The following SENP8 variants were observed in gnomAD, a reference collection of about 807,000 sequenced individuals.
The protein encoded by SENP8 is sentrin-specific protease 8.
In SENP8, 10 loss-of-function variants were observed where a neutral mutation model predicts 14.4. That is an observed-to-expected ratio of 0.69 (90% CI 0.43 to 1.18). The LOEUF is 1.18. SENP8 is among the 50% of genes most tolerant of loss of function. The pLI is 0.00. For synonymous variants in SENP8, 94 were observed against 95.5 expected (o/e 0.98, Z 0.09); for missense variants, 202 against 249.4 (o/e 0.81, Z 1.28).
chr15:72,117,885 C>G (rs1435794575), upstream of SENP8: 2 of 398,252 alleles, frequency 5.0e-6, no homozygotes, highest in Non-Finnish European at 8.9e-6. Flanking sequence ...AGACTCCGCC[C>G]GGCCTGAGCA....
chr15:72,131,406 A>G (rs1010821843), intron 1 of SENP8, among the ~76,000 whole-genome samples: 1 of 152,090 alleles, frequency 6.6e-6, no homozygotes, highest in African/African-American at 2.4e-5. Flanking sequence ...TATTTTTTCT[A>G]CTGAACCAGC....
intron 1 of SENP8, among the ~76,000 whole-genome samples, chr15:72,120,765 A>G (rs893740238): frequency 2.6e-5 from 4 of 152,258 alleles, no homozygotes. Context: ...AGTGATGACT[A>G]TAAATTATAT....
chr15:72,114,908 C>G (rs2080913550), upstream of SENP8, among the ~76,000 whole-genome samples: 1 of 152,130 alleles, frequency 6.6e-6, no homozygotes, highest in African/African-American at 2.4e-5. Context: ...ATTTTCAAAC[C>G]TCCTACATTT....
chr15:72,137,053 T>C (rs948804173), intron 1 of SENP8, among the ~76,000 whole-genome samples: 3 of 152,192 alleles, frequency 2.0e-5, no homozygotes, highest in Non-Finnish European at 4.4e-5. Flanking sequence ...TGGATATTTG[T>C]TTTCAAACCT....
rs571688902 is a variant in SENP8 at position 72,125,594 on chromosome 15, A to G, written c.-48+7130A>G. 1.4e-3 allele frequency among the ~76,000 whole-genome samples: 218 copies of G among 152,186 alleles called. 1 individual carries two copies. The highest frequency in any genetic ancestry group is 4.8e-3 in the African/African-American group (199 of 41,534). ...ACTTATTAAAAAATCCAGCAAGCAT[A>G]TCCCATACTTCAATATACAGATAAT... On this transcript the variant is annotated intron_variant, in intron 1 of 1. Transcript: ENST00000340912.
chr15:72,130,456 A>C (rs918526420), intron 1 of SENP8, among the ~76,000 whole-genome samples: 1 of 152,156 alleles, frequency 6.6e-6, no homozygotes, highest in African/African-American at 2.4e-5. Context: ...AACATGACTT[A>C]GTCCAATAAA....
intron 1 of SENP8, among the ~76,000 whole-genome samples, chr15:72,133,026 C>G (rs563309570): frequency 6.6e-6 from 1 of 152,098 alleles, no homozygotes; most frequent in Non-Finnish European, 1.5e-5. Context: ...CAAAAATTAG[C>G]CAGGCATGGT....
chr15:72,120,515 A>C, intron 1 of SENP8, among the ~76,000 whole-genome samples: 1 of 152,218 alleles, frequency 6.6e-6, no homozygotes, highest in Non-Finnish European at 1.5e-5. Context: ...TATTACTAGA[A>C]GTAATTAATA....
chr15:72,117,078 G>C (rs567130886), upstream of SENP8: 6 of 152,218 alleles, frequency 3.9e-5, no homozygotes, highest in Non-Finnish European at 7.3e-5. Context: ...CTTGAGGAGA[G>C]GTCTGTTGAG....
At chr15:72,119,896 C>G (rs1230203964) in intron 1 of SENP8, among the ~76,000 whole-genome samples, 1 of 152,196 alleles carries the variant, frequency 6.6e-6, no homozygotes, top group Non-Finnish European at 1.5e-5. Flanking sequence ...ACTGTTCATT[C>G]CTCAGTGTTT....
At chr15:72,118,113 G>A, upstream of SENP8, 4 of 386,542 alleles carry the variant, frequency 1.0e-5, no homozygotes, top group Non-Finnish European at 1.8e-5. Flanking sequence ...GCCCCGCCCC[G>A]CGCGACTCCC....
intron 1 of SENP8, among the ~76,000 whole-genome samples, chr15:72,126,290 A>G (rs2081218353): frequency 6.6e-6 from 1 of 152,170 alleles, no homozygotes; most frequent in Non-Finnish European, 1.5e-5. Flanking sequence ...AATAGCCACA[A>G]GGGGCTAGTG....
upstream of SENP8, among the ~76,000 whole-genome samples, chr15:72,114,790 G>A (rs147200801): frequency 5.6e-4 from 86 of 152,282 alleles, 1 homozygote; most frequent in East Asian, 0.011. Context: ...AGTCAATATT[G>A]TGGTTTTTAA....
At chr15:72,127,376 G>C (rs2081230986) in intron 1 of SENP8, among the ~76,000 whole-genome samples, 1 of 152,188 alleles carries the variant, frequency 6.6e-6, no homozygotes, top group African/African-American at 2.4e-5. Flanking sequence ...CTGTGACTTA[G>C]TGGCATTTAA....
At chr15:72,122,116 G>C (rs571761294) in intron 1 of SENP8, among the ~76,000 whole-genome samples, 1 of 152,042 alleles carries the variant, frequency 6.6e-6, no homozygotes, top group African/African-American at 2.4e-5. Context: ...AAACTTCTTG[G>C]ATGGGAAAGA....
intron 1 of SENP8, among the ~76,000 whole-genome samples, chr15:72,127,633 A>T (rs1596646636): frequency 6.6e-6 from 1 of 152,198 alleles, no homozygotes; most frequent in East Asian, 1.9e-4. Flanking sequence ...GATAGCTACT[A>T]GAGACTCCTA....
chr15:72,128,823 T>C (rs2081244050), intron 1 of SENP8, among the ~76,000 whole-genome samples: 1 of 152,240 alleles, frequency 6.6e-6, no homozygotes, highest in African/African-American at 2.4e-5. Flanking sequence ...CTTAAAATCG[T>C]AGCCAAAGCG....
chr15:72,119,104 G>C (rs974635617), intron 1 of SENP8, among the ~76,000 whole-genome samples: 1 of 152,214 alleles, frequency 6.6e-6, no homozygotes, highest in African/African-American at 2.4e-5. Flanking sequence ...TCGTTATAAA[G>C]TTAGAGAAAT....
At chr15:72,122,422 T>G (rs1372930448) in intron 1 of SENP8, among the ~76,000 whole-genome samples, 2 of 152,188 alleles carry the variant, frequency 1.3e-5, no homozygotes, top group Admixed American at 1.3e-4. Flanking sequence ...GCAACCCATC[T>G]CCTTTGAAAC....
Sources: allele counts gnomAD v4.1 joint callset (sites outside exome capture counted in the v4.1 genomes callset), GRCh38; gene constraint gnomAD v4.1.1; transcripts MANE v1.5; gene names NCBI Gene and HGNC (gene_info 2026-07-23, HGNC 2026-07-21).